RC3H1: variants seen among roughly 807,000 people sequenced by gnomAD.
The protein encoded by RC3H1 is ring finger and CCCH-type domains 1.
Under a neutral mutation model 138.2 loss-of-function variants are expected in RC3H1, and 50 were observed. That is an observed-to-expected ratio of 0.36 (90% CI 0.29 to 0.46). RC3H1 has a LOEUF of 0.46. Ranked by LOEUF, RC3H1 falls within the 20% of genes least tolerant of loss-of-function variation. The pLI, the probability that RC3H1 is intolerant of heterozygous loss-of-function variation, is 1.00. For synonymous variants in RC3H1, 462 were observed against 489.1 expected, an observed-to-expected ratio of 0.94 and a Z score of 0.73; for missense variants, 1,031 against 1,388.1, an observed-to-expected ratio of 0.74 and a Z score of 4.09.
Position 174,021,281 on chromosome 1 carries a change from C to T in RC3H1, c.-151+815G>A, listed in dbSNP as rs1045741395. ...GTCTCCGCGTTGCCAGTGTTTGTTT[C>T]CAGTTTCATAGGCTATTCTGGTATG... On this transcript the variant is annotated intron_variant, in intron 1 of 19. Coordinates refer to ENST00000367696, the MANE Select transcript of RC3H1 (RefSeq NM_172071.4). Among the ~76,000 whole-genome samples the T allele has an allele frequency of 2.0e-5, 3 of 152,088 alleles. No individual in the cohort carries two copies. In the South Asian group the frequency reaches 6.2e-4, roughly 32 times the overall value.
At chr1:173,984,858 A>T (rs978203121) in intron 2 of RC3H1, among the ~76,000 whole-genome samples, 9 of 152,214 alleles carry the variant, frequency 5.9e-5, no homozygotes, top group African/African-American at 2.2e-4. Context: ...TAAAGTACAT[A>T]CAATTCCCTG....
Position 173,938,863 on chromosome 1 carries a change from G to A in RC3H1, c.3260C>T (p.Pro1087Leu). The A allele has an allele frequency of 1.9e-6, 3 of 1,601,662 alleles. No individual in the cohort carries two copies. Among genetic ancestry groups the A allele is most frequent in the Middle Eastern group, 1.7e-4 (1 of 5,998 alleles). The stretch of plus-strand genomic sequence containing the variant: ...CTCTTGTGTCAAGGCTGATCCATTT[G>A]GTACATCACTGCTGACATTTTAAAA... ...EDLTLTFSDVPNGSALTQENI... is the reference protein window; with the variant it reads ...EDLTLTFSDVLNGSALTQENI... Residue 1087 changes from proline (P) to leucine (L), a missense_variant, in exon 20 of 20, where the codon CCA (proline) becomes CTA (leucine). By Grantham distance (98) the Pro-to-Leu change is moderately conservative. Coordinates refer to ENST00000367696, the MANE Select transcript of RC3H1 (RefSeq NM_172071.4).
chr1:173,983,165 TG>T (rs1482609958), intron 4 of RC3H1: 23 of 506,848 alleles, frequency 4.5e-5, no homozygotes, highest in Non-Finnish European at 1.3e-5. Flanking sequence ...GCTACAGGTG[TG>T]AAAAAAAGGA....
At position 173,978,503 on chromosome 1, in the gene RC3H1, T is replaced by C; in HGVS notation, c.1087A>G (p.Ile363Val). The C allele has an allele frequency of 1.9e-6, 3 of 1,614,036 alleles. No homozygotes were observed. The highest frequency in any genetic ancestry group is 1.7e-6 in the Non-Finnish European group (2 of 1,179,964). ...LRPHLELLAN[I>V]DPSPDAPPPT... is the part of the protein sequence containing the mutation. ...GTGGGTTTACCTGGACTAGGGTCAATGTTTGCTAACAGCTCCAAATGGGGT... is the reference window on the plus strand; with the variant it reads ...GTGGGTTTACCTGGACTAGGGTCAACGTTTGCTAACAGCTCCAAATGGGGT... Residue 363 changes from isoleucine (I) to valine (V), a missense_variant, in exon 7 of 20, where the codon ATT (isoleucine) becomes GTT (valine). By Grantham distance (29) the Ile-to-Val change is conservative. This residue lies in a region of RC3H1 where 142 missense variants were observed against 224.6 expected (regional missense o/e 0.63). Coordinates refer to ENST00000367696, the MANE Select transcript of RC3H1 (RefSeq NM_172071.4).
At chr1:173,959,684 T>C (rs1240373153) in intron 13 of RC3H1, among the ~76,000 whole-genome samples, 1 of 152,008 alleles carries the variant, frequency 6.6e-6, no homozygotes, top group African/African-American at 2.4e-5. Flanking sequence ...GATAGGAGAA[T>C]CACTTGAACC....
chr1:173,979,775 C>T (rs553510051), intron 6 of RC3H1, among the ~76,000 whole-genome samples: 4 of 152,292 alleles, frequency 2.6e-5, no homozygotes, highest in Non-Finnish European at 4.4e-5. Flanking sequence ...GCAAAACTTC[C>T]GATACAAGCT....
chr1:174,009,956 C>T (rs938980619), intron 1 of RC3H1, among the ~76,000 whole-genome samples: 1 of 152,118 alleles, frequency 6.6e-6, no homozygotes, highest in African/African-American at 2.4e-5. Context: ...CCTATTTGGT[C>T]TCATTATTAA....
intron 13 of RC3H1, among the ~76,000 whole-genome samples, chr1:173,955,563 C>A (rs913448621): frequency 6.6e-6 from 1 of 151,848 alleles, no homozygotes; most frequent in African/African-American, 2.4e-5. Flanking sequence ...TCATGATCTG[C>A]CCACTGTAGC....
chr1:173,988,109 T>C (rs887954388), intron 2 of RC3H1, among the ~76,000 whole-genome samples: 1 of 152,170 alleles, frequency 6.6e-6, no homozygotes, highest in Non-Finnish European at 1.5e-5. Flanking sequence ...CTTCAGATTG[T>C]CTTCCATAAT....
intron 2 of RC3H1, among the ~76,000 whole-genome samples, chr1:173,991,051 G>A (rs750669705): frequency 3.3e-5 from 5 of 152,236 alleles, no homozygotes; most frequent in South Asian, 2.1e-4. Flanking sequence ...CCAACATGGC[G>A]AAACCCTGTC....
chr1:173,946,660 C>T, intron 16 of RC3H1, 52 bp from the exon 17 acceptor site: 1 of 1,604,130 alleles, frequency 6.2e-7, no homozygotes, highest in Non-Finnish European at 8.5e-7. Context: ...ATTTTGTTAA[C>T]ATATTACTGA....
rs60259705 is a variant in RC3H1 at position 173,950,420 on chromosome 1, C to CAAAAAAAAAAAAAAAAAAAAAAA, written c.2523+1565_2523+1566insTTTTTTTTTTTTTTTTTTTTTTT. Among the ~76,000 whole-genome samples, 75 of 63,644 alleles carry CAAAAAAAAAAAAAAAAAAAAAAA rather than the reference C, an allele frequency of 1.2e-3. 7 individuals carry two copies. Among genetic ancestry groups the CAAAAAAAAAAAAAAAAAAAAAAA allele is most frequent in the African/African-American group, 4.0e-3 (58 of 14,398 alleles). The allele number at this position is 63,644 out of a possible 152,430, so 41.8% of individuals were successfully genotyped here. On this transcript the variant is annotated intron_variant, in intron 14 of 19. Transcript: ENST00000367696. The stretch of plus-strand genomic sequence containing the variant: ...CAACATAGCAAGACCTCATCTCTAC[C>CAAAAAAAAAAAAAAAAAAAAAAA]AAAAAAAAAAAAAAAAAAAAAGAGC...
In RC3H1 at chr1:173,936,955, A is replaced by AAT. The variant is rs1279223461; in HGVS notation, c.*1764_*1765dup. 3 of 147,544 alleles carry AAT rather than the reference A, an allele frequency of 2.0e-5. No homozygotes were observed. The highest frequency in any genetic ancestry group is 4.5e-5 in the Non-Finnish European group (3 of 66,940). The allele number at this position is 147,544 out of a possible 1,614,324, so 9.1% of individuals were successfully genotyped here. A position where few individuals can be genotyped will look rare whatever the true frequency, so the allele number is the denominator to read the frequency against. On this transcript the variant is annotated 3_prime_UTR_variant, in exon 20 of 20. Transcript: ENST00000367696. The stretch of plus-strand genomic sequence containing the variant: ...TAGCTATGTATATATGTATATATAT[A>AAT]ATATATATATAAATTTTTATTTAAA...
chr1:173,949,923 T>C (rs747239942), intron 14 of RC3H1, among the ~76,000 whole-genome samples: 3 of 152,012 alleles, frequency 2.0e-5, no homozygotes, highest in African/African-American at 7.2e-5. Flanking sequence ...TCCCAGCACT[T>C]TGGGAGGCCG....
intron 1 of RC3H1, among the ~76,000 whole-genome samples, chr1:173,998,842 A>G (rs1302849596): frequency 1.3e-5 from 2 of 152,174 alleles, no homozygotes; most frequent in African/African-American, 4.8e-5. Flanking sequence ...CTGCAATCTC[A>G]GCACTTTTGG....
intron 17 of RC3H1, among the ~76,000 whole-genome samples, chr1:173,944,627 T>C (rs749885883): frequency 2.2e-4 from 34 of 152,076 alleles, no homozygotes; most frequent in Non-Finnish European, 3.5e-4. Context: ...TAATGCCTTA[T>C]TGGGTTGAAG....
chr1:173,967,408 C>T (rs962000373), intron 9 of RC3H1, among the ~76,000 whole-genome samples: 6 of 152,146 alleles, frequency 3.9e-5, no homozygotes, highest in Non-Finnish European at 5.9e-5. Context: ...TCAAAGAGCA[C>T]GCAAATTAGA....
chr1:173,973,758 G>A (rs960984396), intron 7 of RC3H1, among the ~76,000 whole-genome samples: 1 of 152,240 alleles, frequency 6.6e-6, no homozygotes, highest in Non-Finnish European at 1.5e-5. Context: ...AATTCTAGGG[G>A]ATGGCATTTG....
At chr1:173,996,343 A>T (rs1661461136) in intron 1 of RC3H1, among the ~76,000 whole-genome samples, 1 of 152,184 alleles carries the variant, frequency 6.6e-6, no homozygotes, top group African/African-American at 2.4e-5. Flanking sequence ...GAGGGAAAAG[A>T]ACCCTTACAT....
Sources: allele counts gnomAD v4.1 joint callset (sites outside exome capture counted in the v4.1 genomes callset), GRCh38; gene constraint gnomAD v4.1.1; regional missense constraint gnomAD v4.1.1; transcripts MANE v1.5; gene names NCBI Gene and HGNC (gene_info 2026-07-23, HGNC 2026-07-21).